The following PPP1R14C variants were observed in gnomAD, a reference collection of about 807,000 sequenced individuals.
The protein encoded by PPP1R14C is protein phosphatase 1 regulatory subunit 14C.
PPP1R14C carries 16 observed loss-of-function variants against 20.4 expected under a neutral mutation model. The observed-to-expected ratio is 0.78, with a 90% CI of 0.53 to 1.19. The LOEUF (loss-of-function observed/expected upper bound fraction) is 1.19. PPP1R14C is among the 50% of genes most tolerant of loss of function. The pLI, the probability that PPP1R14C is intolerant of heterozygous loss-of-function variation, is 0.00. For missense variants in PPP1R14C, 211 were observed against 220.1 expected (o/e 0.96, Z 0.26); for synonymous variants, 91 against 91.0 (o/e 1.00, Z 0.00).
intron 1 of PPP1R14C, among the ~76,000 whole-genome samples, chr6:150,144,464 A>C (rs1320899012): frequency 2.6e-5 from 4 of 152,196 alleles, no homozygotes; most frequent in African/African-American, 9.7e-5. Context: ...AAATGAAGTG[A>C]CCTCCTCTTA....
rs146825379 is a variant in PPP1R14C at position 150,178,713 on chromosome 6, G to C, written c.306+35215G>C. On this transcript the variant is annotated intron_variant, in intron 1 of 3. Coordinates refer to ENST00000361131, the MANE Select transcript of PPP1R14C (RefSeq NM_030949.3). The stretch of plus-strand genomic sequence containing the variant: ...ATACTGCATCAGAAATAGTAACCAG[G>C]GTCTTTATACTGTTGTTTATTTCAT... 3.5e-4 allele frequency among the ~76,000 whole-genome samples: 53 copies of C among 152,226 alleles called. 1 individual carries two copies. The highest frequency in any genetic ancestry group is 2.9e-3 in the Admixed American group (45 of 15,292).
intron 1 of PPP1R14C, among the ~76,000 whole-genome samples, chr6:150,145,684 C>CA (rs1777172749): frequency 6.6e-6 from 1 of 152,178 alleles, no homozygotes; most frequent in Admixed American, 6.5e-5. Flanking sequence ...AAGAAGGACG[C>CA]ACCCTAGCTT....
chr6:150,223,691 G>A (rs946785777), intron 3 of PPP1R14C, among the ~76,000 whole-genome samples: 2 of 151,830 alleles, frequency 1.3e-5, no homozygotes, highest in African/African-American at 4.8e-5. Context: ...CTTTTAACTG[G>A]GTGTGTTTGT....
At chr6:150,155,831 C>A (rs575096165) in intron 1 of PPP1R14C, among the ~76,000 whole-genome samples, 1 of 151,608 alleles carries the variant, frequency 6.6e-6, no homozygotes, top group East Asian at 1.9e-4. Context: ...TTGAGACCAG[C>A]CTGAACAACA....
At chr6:150,170,201 A>G (rs1177759401) in intron 1 of PPP1R14C, among the ~76,000 whole-genome samples, 1 of 152,214 alleles carries the variant, frequency 6.6e-6, no homozygotes, top group African/African-American at 2.4e-5. Flanking sequence ...AATGGGAAAT[A>G]TTGTTGAAGC....
intron 1 of PPP1R14C, among the ~76,000 whole-genome samples, chr6:150,177,347 G>A (rs1199582829): frequency 6.6e-6 from 1 of 152,222 alleles, no homozygotes; most frequent in Non-Finnish European, 1.5e-5. Flanking sequence ...CTCACTTAAT[G>A]GAGTGAGTGT....
At chr6:150,237,854 T>G (rs1451276511) in intron 3 of PPP1R14C, among the ~76,000 whole-genome samples, 1 of 151,828 alleles carries the variant, frequency 6.6e-6, no homozygotes, top group African/African-American at 2.4e-5. Context: ...GTGGTATGTA[T>G]TGGGTGACTC....
chr6:150,194,479 C>A (rs1035851829), intron 1 of PPP1R14C: 137 of 979,392 alleles, frequency 1.4e-4, no homozygotes, highest in Non-Finnish European at 1.6e-4. Context: ...TGAAGAGAAC[C>A]AAATAATGTT....
chr6:150,218,296 G>A (rs566264222), intron 3 of PPP1R14C, among the ~76,000 whole-genome samples: 58 of 152,124 alleles, frequency 3.8e-4, no homozygotes, highest in African/African-American at 1.2e-3. Flanking sequence ...CTAGCTACTC[G>A]GGAGGCTGAG....
chr6:150,143,435 T>C lies in PPP1R14C; in HGVS notation c.243T>C (p.Leu81=). The C allele has an allele frequency of 6.2e-7, 1 of 1,610,162 alleles. No individual in the cohort carries two copies. The highest frequency in any genetic ancestry group is 1.1e-5 in the South Asian group (1 of 90,580). Residue 81 remains leucine (L), a synonymous_variant, in exon 1 of 4, where the codon CTT becomes CTC. Coordinates refer to ENST00000361131, the MANE Select transcript of PPP1R14C (RefSeq NM_030949.3). This position sits in a 1 kb window ranked among gnomAD's most constrained non-coding sequence, Gnocchi z 5.6. ...KVTVKYDRKE[L]RKRLVLEEWI... ...CAGTGAAATACGATCGTAAGGAGCT[T>C]CGGAAGCGGCTGGTGCTGGAGGAAT...
intron 3 of PPP1R14C, among the ~76,000 whole-genome samples, chr6:150,232,866 T>C (rs561891029): frequency 6.6e-6 from 1 of 152,356 alleles, no homozygotes; most frequent in African/African-American, 2.4e-5. Flanking sequence ...ATATTTGTAT[T>C]TGACTAGAAT....
At chr6:150,219,710 A>G (rs1383932955) in intron 3 of PPP1R14C, among the ~76,000 whole-genome samples, 6 of 152,104 alleles carry the variant, frequency 3.9e-5, no homozygotes, top group Admixed American at 3.3e-4. Flanking sequence ...GTTTTAAATT[A>G]TTCTACTCTC....
At chr6:150,152,850 C>T (rs1184840350) in intron 1 of PPP1R14C, among the ~76,000 whole-genome samples, 1 of 152,146 alleles carries the variant, frequency 6.6e-6, no homozygotes, top group Non-Finnish European at 1.5e-5. Context: ...GTTTGTGTCT[C>T]CCCAGATTCA....
intron 1 of PPP1R14C, among the ~76,000 whole-genome samples, chr6:150,183,063 ATATTAT>A (rs1049113398): frequency 6.6e-6 from 1 of 152,236 alleles, no homozygotes; most frequent in African/African-American, 2.4e-5. Flanking sequence ...GTTGGTGGAA[ATATTAT>A]TATGCTGGAA....
chr6:150,194,772 G>C (rs1332037342), intron 1 of PPP1R14C: 2 of 985,236 alleles, frequency 2.0e-6, no homozygotes, highest in Non-Finnish European at 2.4e-6. Context: ...ACCCTGTTTT[G>C]TTTGACCACT....
intron 1 of PPP1R14C, among the ~76,000 whole-genome samples, chr6:150,169,499 A>G (rs1777474101): frequency 6.6e-6 from 1 of 152,212 alleles, no homozygotes; most frequent in Non-Finnish European, 1.5e-5. Flanking sequence ...CAGAAAAAAA[A>G]TCATATTTAG....
intron 1 of PPP1R14C, among the ~76,000 whole-genome samples, chr6:150,187,033 T>C (rs1335003959): frequency 6.6e-6 from 1 of 152,048 alleles, no homozygotes; most frequent in South Asian, 2.1e-4. Flanking sequence ...TGGAGTGCAA[T>C]GGTGCAATCT....
intron 1 of PPP1R14C, among the ~76,000 whole-genome samples, chr6:150,150,841 G>A (rs1208613765): frequency 1.3e-5 from 2 of 151,984 alleles, no homozygotes; most frequent in Non-Finnish European, 2.9e-5. Context: ...ACAAGTTGAA[G>A]TCTCTCTCTT....
intron 1 of PPP1R14C, among the ~76,000 whole-genome samples, chr6:150,168,497 C>T (rs1777460155): frequency 6.7e-6 from 1 of 149,720 alleles, no homozygotes; most frequent in African/African-American, 2.5e-5. Flanking sequence ...AGCGCCACTA[C>T]ACTCCAGCCT....
Sources: gnomAD v4.1 joint callset for allele counts (sites outside exome capture counted in the v4.1 genomes callset) on GRCh38, gnomAD v4.1.1 for gene constraint, Gnocchi (gnomAD v3.1) non-coding constraint, MANE v1.5 for transcripts, NCBI Gene and HGNC (gene_info 2026-07-23, HGNC 2026-07-21) for gene names.